Variants in SUPT3H observed in about 807,000 individuals in gnomAD.
SUPT3H encodes the protein SPT3 homolog, SAGA and STAGA complex component.
In SUPT3H, 44 loss-of-function variants were observed where a neutral mutation model predicts 44.3. That is an observed-to-expected ratio of 0.99 (90% CI 0.78 to 1.28). The LOEUF (loss-of-function observed/expected upper bound fraction) is 1.28, where lower values mean the gene tolerates loss of function less well. Ranked by LOEUF, SUPT3H falls within the 50% of genes most tolerant of loss-of-function variation. The pLI is 0.00. For synonymous variants in SUPT3H, 124 were observed against 125.6 expected, an observed-to-expected ratio of 0.99 and a Z score of 0.09; for missense variants, 380 against 387.1, an observed-to-expected ratio of 0.98 and a Z score of 0.15.
intron 10 of SUPT3H, among the ~76,000 whole-genome samples, chr6:44,885,594 T>A (rs1365430877): frequency 6.6e-5 from 10 of 152,052 alleles, no homozygotes; most frequent in African/African-American, 1.9e-4. Flanking sequence ...AGAAAGGACA[T>A]CCACAGCAAA....
chr6:44,947,971 G>GA (rs1180055517), intron 9 of SUPT3H, among the ~76,000 whole-genome samples: 1 of 151,978 alleles, frequency 6.6e-6, no homozygotes, highest in African/African-American at 2.4e-5. Flanking sequence ...AAATATAAAA[G>GA]AAAAAAATTG....
At chr6:45,278,453 G>A (rs1777390502) in intron 2 of SUPT3H, among the ~76,000 whole-genome samples, 1 of 152,080 alleles carries the variant, frequency 6.6e-6, no homozygotes, top group Admixed American at 6.6e-5. Context: ...TAGCAACTAT[G>A]AAAATAAGTG....
intron 2 of SUPT3H, among the ~76,000 whole-genome samples, chr6:45,165,558 A>C (rs1386764000): frequency 6.6e-6 from 1 of 152,230 alleles, no homozygotes; most frequent in Non-Finnish European, 1.5e-5. Flanking sequence ...ATATTGTATA[A>C]ATGCTTTAAA....
chr6:45,171,998 G>A (rs1028254772), intron 2 of SUPT3H, among the ~76,000 whole-genome samples: 2 of 151,098 alleles, frequency 1.3e-5, no homozygotes, highest in Non-Finnish European at 2.9e-5. Flanking sequence ...TTACATGCGT[G>A]AGCCACCACA....
rs201077641 is a variant in SUPT3H at position 45,296,185 on chromosome 6, T to TACACACACACACACACACAC, written c.101+68996_101+69015dup. Among the ~76,000 whole-genome samples, 153 of 140,546 alleles carry TACACACACACACACACACAC rather than the reference T, an allele frequency of 1.1e-3. 2 individuals carry two copies. The highest frequency in any genetic ancestry group is 0.011 in the Middle Eastern group (3 of 276). 92.2% of individuals were successfully genotyped at this position (140,546 alleles called of 152,430 possible). On this transcript the variant is annotated intron_variant, in intron 2 of 10. Transcript: ENST00000371459. ...TACATACATATATACATACACATAC[T>TACACACACACACACACACAC]ACACACACACACACACACACACACA... is the stretch of plus-strand genomic sequence containing the variant.
At chr6:45,086,535 A>G (rs1796495375) in intron 3 of SUPT3H, among the ~76,000 whole-genome samples, 1 of 152,064 alleles carries the variant, frequency 6.6e-6, no homozygotes, top group Admixed American at 6.6e-5. Context: ...CTAAGCATAC[A>G]TAAACTAAAT....
At chr6:44,919,656 CT>C (rs1250041086) in intron 10 of SUPT3H, among the ~76,000 whole-genome samples, 1 of 152,082 alleles carries the variant, frequency 6.6e-6, no homozygotes, top group Non-Finnish European at 1.5e-5. Context: ...AAATTGTAAA[CT>C]TGCTATTTTT....
intron 2 of SUPT3H, among the ~76,000 whole-genome samples, chr6:45,168,645 T>C (rs972303966): frequency 2.6e-5 from 4 of 152,172 alleles, no homozygotes; most frequent in Admixed American, 6.5e-5. Context: ...TTAAATTACT[T>C]ATAAACCCTG....
chr6:45,175,033 A>T (rs1811477394), intron 2 of SUPT3H, among the ~76,000 whole-genome samples: 1 of 150,988 alleles, frequency 6.6e-6, no homozygotes, highest in Non-Finnish European at 1.5e-5. Flanking sequence ...AAAAAAAAAA[A>T]AAAAAAATTA....
chr6:45,179,677 A>G (rs568278259), intron 2 of SUPT3H, among the ~76,000 whole-genome samples: 16 of 152,210 alleles, frequency 1.1e-4, no homozygotes, highest in Non-Finnish European at 1.6e-4. Context: ...AAAATTCAAC[A>G]ACGCTTCATG....
intron 10 of SUPT3H, among the ~76,000 whole-genome samples, chr6:44,885,331 A>C (rs1022121816): frequency 6.6e-5 from 10 of 151,974 alleles, no homozygotes; most frequent in Admixed American, 3.9e-4. Context: ...GGTCCCTGAC[A>C]CCTGACCCCG....
chr6:44,870,700 A>G (rs1288325813), intron 10 of SUPT3H, among the ~76,000 whole-genome samples: 1 of 151,688 alleles, frequency 6.6e-6, no homozygotes, highest in Non-Finnish European at 1.5e-5. Flanking sequence ...TGAGCGACGC[A>G]GAAGACGGGT....
At chr6:44,939,993 G>C (rs553869767) in intron 9 of SUPT3H, among the ~76,000 whole-genome samples, 1 of 151,750 alleles carries the variant, frequency 6.6e-6, no homozygotes, top group South Asian at 2.1e-4. Context: ...TCTTTTTGAA[G>C]AACCAACTTT....
intron 2 of SUPT3H, among the ~76,000 whole-genome samples, chr6:45,273,230 A>G (rs928542537): frequency 7.9e-5 from 12 of 152,190 alleles, no homozygotes; most frequent in Non-Finnish European, 1.6e-4. Flanking sequence ...AAGGCTACAA[A>G]CAAGATACAT....
chr6:45,047,998 G>T (rs1304072852), intron 3 of SUPT3H, among the ~76,000 whole-genome samples: 1 of 151,602 alleles, frequency 6.6e-6, no homozygotes, highest in Non-Finnish European at 1.5e-5. Flanking sequence ...CATCGCCAAG[G>T]CTTTTTGTTC....
At chr6:45,196,863 A>G (rs1038589146) in intron 2 of SUPT3H, among the ~76,000 whole-genome samples, 2 of 151,818 alleles carry the variant, frequency 1.3e-5, no homozygotes, top group African/African-American at 4.8e-5. Flanking sequence ...CATGGAGAAG[A>G]TTGACTTACA....
At chr6:45,374,351 T>C (rs565717451) in intron 1 of SUPT3H, among the ~76,000 whole-genome samples, 6 of 152,318 alleles carry the variant, frequency 3.9e-5, no homozygotes, top group African/African-American at 1.4e-4. Flanking sequence ...ACATGAGTTA[T>C]TTAAATTAAC....
intron 2 of SUPT3H, among the ~76,000 whole-genome samples, chr6:45,243,643 CTGAGA>C (rs1188702113): frequency 6.6e-6 from 1 of 152,112 alleles, no homozygotes; most frequent in African/African-American, 2.4e-5. Flanking sequence ...AATTCAACAA[CTGAGA>C]TGAGATGGAC....
At chr6:44,953,970 G>C (rs1774713349) in intron 8 of SUPT3H, among the ~76,000 whole-genome samples, 1 of 151,982 alleles carries the variant, frequency 6.6e-6, no homozygotes, top group Non-Finnish European at 1.5e-5. Flanking sequence ...ACTCCTGACT[G>C]CAGGTGATCC....
Sources: gnomAD v4.1 joint callset for allele counts (sites outside exome capture counted in the v4.1 genomes callset) on GRCh38, gnomAD v4.1.1 for gene constraint, MANE v1.5 for transcripts, NCBI Gene and HGNC (gene_info 2026-07-23, HGNC 2026-07-21) for gene names.